MYO6: variants seen among roughly 807,000 people sequenced by gnomAD.
MYO6 encodes the protein unconventional myosin-VI.
MYO6 carries 74 observed loss-of-function variants against 178.7 expected under a neutral mutation model. The observed-to-expected ratio is 0.41, with a 90% confidence interval of 0.34 to 0.50. The LOEUF (loss-of-function observed/expected upper bound fraction) is 0.50. MYO6 is among the 20% of genes least tolerant of loss of function. The pLI is 0.09. For synonymous variants in MYO6, 477 were observed against 504.6 expected (o/e 0.95, Z 0.73); for missense variants, 1,330 against 1,547.4 (o/e 0.86, Z 2.36).
At position 75,775,064 on chromosome 6, in the gene MYO6, G is replaced by A. The variant is rs570203656; in HGVS notation, c.-48+25641G>A. Among the ~76,000 whole-genome samples, 200 of 152,224 alleles carry A rather than the reference G, an allele frequency of 1.3e-3. 1 individual carries two copies. Among genetic ancestry groups the A allele is most frequent in the Non-Finnish European group, 2.2e-3 (153 of 68,018 alleles). On this transcript the variant is annotated intron_variant, in intron 1 of 34. Coordinates refer to ENST00000369977, the MANE Select transcript of MYO6 (RefSeq NM_004999.4). ...CCGCCTCAGCCTCCCAAAGTGTTGG[G>A]ATTTCAGGTGTGAGCCACCACGTCC...
chr6:75,892,814 C>A, intron 28 of MYO6, 124 bp downstream of exon 28: 2 of 997,956 alleles, frequency 2.0e-6, no homozygotes, highest in Non-Finnish European at 2.9e-6. Context: ...TATATTTGAG[C>A]TAAAATAATT....
At chr6:75,901,775 G>A (rs1432564574) in intron 30 of MYO6, among the ~76,000 whole-genome samples, 2 of 152,140 alleles carry the variant, frequency 1.3e-5, no homozygotes, top group East Asian at 3.8e-4. Flanking sequence ...AATAGGAGTG[G>A]TGAGAGAGGG....
At chr6:75,754,829 A>T (rs563682987) in intron 1 of MYO6, among the ~76,000 whole-genome samples, 1 of 152,346 alleles carries the variant, frequency 6.6e-6, no homozygotes, top group East Asian at 1.9e-4. Flanking sequence ...ATGGCATTTT[A>T]TTGCTTTAAA....
chr6:75,772,726 C>A (rs555823997), intron 1 of MYO6, among the ~76,000 whole-genome samples: 1 of 152,160 alleles, frequency 6.6e-6, no homozygotes, highest in South Asian at 2.1e-4. Context: ...GAATTTTATA[C>A]CTATTGTGTT....
chr6:75,838,571 T>C (rs1483197836), intron 7 of MYO6, among the ~76,000 whole-genome samples: 1 of 151,962 alleles, frequency 6.6e-6, no homozygotes, highest in Non-Finnish European at 1.5e-5. Context: ...AGTAAGGGAG[T>C]TGGGGAGACC....
At chr6:75,898,314 A>T in intron 29 of MYO6, 59 bp from the exon 30 acceptor site, 1 of 1,106,090 alleles carries the variant, frequency 9.0e-7, no homozygotes, top group Non-Finnish European at 1.4e-6. Context: ...TAGATCTTTT[A>T]ATTAATTTAT....
At chr6:75,860,698 G>A (rs61237402) in intron 14 of MYO6, among the ~76,000 whole-genome samples, 34,628 of 152,086 alleles carry the variant, frequency 0.23, 5,135 homozygotes, top group Middle Eastern at 0.39. Context: ...AAAATTTTAA[G>A]AAGACACAAG....
At chr6:75,758,141 C>T (rs1412539923) in intron 1 of MYO6, among the ~76,000 whole-genome samples, 2 of 151,618 alleles carry the variant, frequency 1.3e-5, no homozygotes, top group Non-Finnish European at 2.9e-5. Context: ...CCATGCCCAG[C>T]CAATTTTTGT....
intron 7 of MYO6, among the ~76,000 whole-genome samples, chr6:75,837,703 A>G (rs1773787959): frequency 6.6e-6 from 1 of 152,238 alleles, no homozygotes; most frequent in Non-Finnish European, 1.5e-5. Flanking sequence ...GAGCACCAGT[A>G]AAGTTTTTTT....
chr6:75,757,144 T>C (rs1170802085), intron 1 of MYO6, among the ~76,000 whole-genome samples: 2 of 148,006 alleles, frequency 1.4e-5, no homozygotes, highest in African/African-American at 2.5e-5. Context: ...AGAGTACTTA[T>C]GTGTGTTGTG....
At chr6:75,863,992 CAA>C (rs1199744492) in intron 16 of MYO6, among the ~76,000 whole-genome samples, 1 of 152,090 alleles carries the variant, frequency 6.6e-6, no homozygotes, top group Non-Finnish European at 1.5e-5. Flanking sequence ...CTAGCACAGA[CAA>C]TGTGCTAGCC....
At position 75,808,852 on chromosome 6, in the gene MYO6, G is replaced by C. The variant is rs779315083; in HGVS notation, c.-47-8649G>C. Among the ~76,000 whole-genome samples, 158 of 152,194 alleles carry C rather than the reference G, an allele frequency of 1.0e-3. 2 individuals are homozygous for C. The highest frequency in any genetic ancestry group is 3.2e-4 in the Non-Finnish European group (22 of 68,046). On this transcript the variant is annotated intron_variant, in intron 1 of 34. Coordinates refer to ENST00000369977, the MANE Select transcript of MYO6 (RefSeq NM_004999.4). ...GATGTACATTAGTTTCATCTGGAAA[G>C]GTGGGTAAACTCAAGGCAGGGGGAG...
At chr6:75,780,309 G>C (rs1766832627) in intron 1 of MYO6, among the ~76,000 whole-genome samples, 1 of 152,178 alleles carries the variant, frequency 6.6e-6, no homozygotes, top group Admixed American at 6.6e-5. Context: ...GGGTGTGGTG[G>C]TGCACACCTG....
At chr6:75,751,267 T>C (rs1292264467) in intron 1 of MYO6, among the ~76,000 whole-genome samples, 1 of 152,224 alleles carries the variant, frequency 6.6e-6, no homozygotes, top group Non-Finnish European at 1.5e-5. Context: ...TATGTACATT[T>C]GCCCATTATT....
chr6:75,805,228 T>C (rs1769951999), intron 1 of MYO6, among the ~76,000 whole-genome samples: 1 of 151,584 alleles, frequency 6.6e-6, no homozygotes, highest in Admixed American at 6.6e-5. Flanking sequence ...TTCACCGTGT[T>C]AGCCAGGCTG....
intron 1 of MYO6, among the ~76,000 whole-genome samples, chr6:75,768,601 C>G (rs1219533441): frequency 6.6e-6 from 1 of 151,902 alleles, no homozygotes; most frequent in African/African-American, 2.4e-5. Context: ...AGGTTGGTCT[C>G]AAACTCCTGA....
chr6:75,837,698 C>A (rs1773787032), intron 7 of MYO6, among the ~76,000 whole-genome samples: 1 of 151,998 alleles, frequency 6.6e-6, no homozygotes, highest in African/African-American at 2.4e-5. Context: ...AAGTTGAGCA[C>A]CAGTAAAGTT....
intron 1 of MYO6, among the ~76,000 whole-genome samples, chr6:75,787,758 A>G (rs866422816): frequency 9.7e-5 from 11 of 112,848 alleles, no homozygotes; most frequent in East Asian, 2.6e-4. Context: ...ATATATATAT[A>G]TATGTATTTT....
At chr6:75,781,323 G>C (rs571936043) in intron 1 of MYO6, among the ~76,000 whole-genome samples, 1 of 152,286 alleles carries the variant, frequency 6.6e-6, no homozygotes, top group East Asian at 1.9e-4. Flanking sequence ...TTTTGAAGCA[G>C]AGAGTAGAAA....
Sources: allele counts gnomAD v4.1 joint callset (sites outside exome capture counted in the v4.1 genomes callset), GRCh38; gene constraint gnomAD v4.1.1; transcripts MANE v1.5; gene names NCBI Gene and HGNC (gene_info 2026-07-23, HGNC 2026-07-21).